The following RGS9 variants were observed in gnomAD, a reference collection of about 807,000 sequenced individuals.
RGS9 encodes the protein regulator of G-protein signalling 9.
Under a neutral mutation model 102.0 loss-of-function variants are expected in RGS9, and 78 were observed. The ratio of observed to expected loss-of-function variants is 0.76; its 90% CI spans 0.64 to 0.92. RGS9 has a LOEUF of 0.92. Among genes scored for constraint, RGS9 ranks in the 40% least tolerant of loss-of-function variants. RGS9 has a pLI of 0.00. For missense variants in RGS9, 833 were observed against 866.1 expected, an observed-to-expected ratio of 0.96 and a Z score of 0.48; for synonymous variants, 353 against 318.6, an observed-to-expected ratio of 1.11 and a Z score of -1.15.
intron 2 of RGS9, among the ~76,000 whole-genome samples, chr17:65,155,198 C>T (rs773768562): frequency 2.0e-5 from 3 of 152,196 alleles, no homozygotes; most frequent in Non-Finnish European, 4.4e-5. Flanking sequence ...TTTCAGGGTG[C>T]CTTTGTGTCC....
intron 2 of RGS9, among the ~76,000 whole-genome samples, chr17:65,157,348 G>A (rs1910805653): frequency 6.6e-6 from 1 of 151,890 alleles, no homozygotes; most frequent in Non-Finnish European, 1.5e-5. Context: ...CCTACGAGCT[G>A]TACCTTCTGC....
intron 13 of RGS9, 73 bp from the exon 14 acceptor site, chr17:65,201,919 CT>C: frequency 1.1e-6 from 1 of 950,452 alleles, no homozygotes; most frequent in East Asian, 4.5e-5. Context: ...TGACTCATTT[CT>C]TTTATTTCCT....
At chr17:65,153,226 G>C (rs1345243318) in intron 1 of RGS9, among the ~76,000 whole-genome samples, 196 bp from the exon 2 acceptor site, 1 of 152,208 alleles carries the variant, frequency 6.6e-6, no homozygotes, top group Non-Finnish European at 1.5e-5. Flanking sequence ...ATGCAGGGAT[G>C]GGATCTGTGT....
intron 2 of RGS9, among the ~76,000 whole-genome samples, chr17:65,156,437 C>T (rs915895922): frequency 6.6e-6 from 1 of 152,254 alleles, no homozygotes; most frequent in Non-Finnish European, 1.5e-5. Context: ...CCATGGCTTC[C>T]TTGTTCCTCC....
chr17:65,150,568 G>T (rs561119435), intron 1 of RGS9, among the ~76,000 whole-genome samples: 1 of 152,260 alleles, frequency 6.6e-6, no homozygotes, highest in Admixed American at 6.5e-5. Flanking sequence ...ATTGCAGTGA[G>T]CTGAGATCAT....
rs1567893186 is a variant in RGS9, at chr17:65,215,482, TTC to T, written c.1407+4879_1407+4880del. On this transcript the variant is annotated intron_variant, in intron 17 of 18. Transcript: ENST00000262406. Reference sequence around the variant, plus strand: ...TCTTTCTTTCTTTCTTTCTCTATCTTTCTTTCGTTCTTTCGTTCTTTCTTTCT... The same window carrying T: ...TCTTTCTTTCTTTCTTTCTCTATCTTTTTCGTTCTTTCGTTCTTTCTTTCT... Among the ~76,000 whole-genome samples the T allele has an allele frequency of 5.6e-4, 64 of 115,282 alleles. No homozygotes were observed. In the East Asian group the frequency reaches 5.9e-3, roughly 11 times the overall value. 75.6% of individuals were successfully genotyped at this position (115,282 alleles called of 152,430 possible).
intron 9 of RGS9, among the ~76,000 whole-genome samples, chr17:65,188,443 T>C (rs1382572802): frequency 1.3e-5 from 2 of 152,212 alleles, no homozygotes; most frequent in African/African-American, 4.8e-5. Flanking sequence ...CTTTCCATTA[T>C]GTGCTTTATT....
intron 15 of RGS9, 48 bp downstream of exon 15, chr17:65,204,349 C>T (rs755514293): frequency 6.2e-7 from 1 of 1,604,294 alleles, no homozygotes; most frequent in Admixed American, 1.7e-5. Flanking sequence ...GGCTTTCTGT[C>T]ACTAAGTACC....
At chr17:65,151,343 C>CCG (rs1910571008) in intron 1 of RGS9, among the ~76,000 whole-genome samples, 1 of 95,974 alleles carries the variant, frequency 1.0e-5, no homozygotes. Flanking sequence ...AGACCTGTCC[C>CCG]AAAAAAAAAA....
chr17:65,153,372 A>G (rs1472854732), intron 1 of RGS9, 50 bp from the exon 2 acceptor site: 16 of 1,519,054 alleles, frequency 1.1e-5, no homozygotes, highest in Admixed American at 1.7e-5. Context: ...GCCCTGCACA[A>G]CTTTCAAAAT....
At chr17:65,175,794 T>C (rs999469571) in intron 8 of RGS9, among the ~76,000 whole-genome samples, 3 of 152,194 alleles carry the variant, frequency 2.0e-5, no homozygotes, top group African/African-American at 7.2e-5. Flanking sequence ...CCCGGTGAGC[T>C]AGGTTGCTAG....
intron 13 of RGS9, among the ~76,000 whole-genome samples, chr17:65,201,672 G>A (rs923010282): frequency 1.3e-5 from 2 of 152,224 alleles, no homozygotes; most frequent in African/African-American, 4.8e-5. Context: ...ATTGTTGGAG[G>A]AAAGGAAGCT....
intron 9 of RGS9, among the ~76,000 whole-genome samples, chr17:65,178,828 G>A (rs1567874662): frequency 6.6e-6 from 1 of 152,162 alleles, no homozygotes; most frequent in Non-Finnish European, 1.5e-5. Flanking sequence ...CTTTGGTGAA[G>A]CTGTCCTGTG....
intron 8 of RGS9, among the ~76,000 whole-genome samples, chr17:65,174,779 TTTAA>T: frequency 6.6e-6 from 1 of 152,022 alleles, no homozygotes; most frequent in South Asian, 2.1e-4. Context: ...AGGAAAGAGG[TTTAA>T]TTGACTCACA....
At chr17:65,140,914 G>A (rs1176613304) in intron 1 of RGS9, among the ~76,000 whole-genome samples, 1 of 150,528 alleles carries the variant, frequency 6.6e-6, no homozygotes, top group Non-Finnish European at 1.5e-5. Context: ...ACTGGTGTGA[G>A]CCAGAGGAAT....
chr17:65,225,337 C>T lies in RGS9; in HGVS notation c.1743C>T (p.Ser581=), dbSNP rs1352978195. 5.0e-6 allele frequency: 8 copies of T among 1,611,326 alleles called. No homozygotes were observed. The highest frequency in any genetic ancestry group is 1.7e-5 in the Admixed American group (1 of 60,014). The part of the protein sequence containing the change: ...RAPPKARMAL[S]FSRFLRRGCL... ...CTCCTAAGGCCCGCATGGCTCTGTC[C>T]TTCAGCAGGTTTCTGAGACGAGGCT... Residue 581 remains serine (S), a synonymous_variant, in exon 18 of 19, where the codon TCC becomes TCT. Transcript: ENST00000262406.
At chr17:65,170,890 T>C (rs571007836) in intron 8 of RGS9, among the ~76,000 whole-genome samples, 1 of 152,226 alleles carries the variant, frequency 6.6e-6, no homozygotes, top group South Asian at 2.1e-4. Flanking sequence ...ATTCTCCCCA[T>C]CTCTTGTTGG....
chr17:65,140,790 G>A (rs1352127850), intron 1 of RGS9, among the ~76,000 whole-genome samples: 1 of 151,992 alleles, frequency 6.6e-6, no homozygotes, highest in Non-Finnish European at 1.5e-5. Context: ...CAGGAGAATT[G>A]CTTGAACCCG....
intron 12 of RGS9, 38 bp from the exon 13 acceptor site, chr17:65,197,088 C>T (rs369861451): frequency 2.1e-4 from 307 of 1,495,738 alleles, no homozygotes; most frequent in Non-Finnish European, 2.6e-4. Context: ...CTGTCACAAC[C>T]GCTACCTCTC....
Sources: allele counts gnomAD v4.1 joint callset (sites outside exome capture counted in the v4.1 genomes callset), GRCh38; gene constraint gnomAD v4.1.1; transcripts MANE v1.5; gene names NCBI Gene and HGNC (gene_info 2026-07-23, HGNC 2026-07-21).